SYNDIG1: variants seen among roughly 807,000 people sequenced by gnomAD.
SYNDIG1 encodes the protein synapse differentiation inducing 1.
SYNDIG1 carries 9 observed loss-of-function variants against 19.4 expected under a neutral mutation model. The ratio of observed to expected loss-of-function variants is 0.46; its 90% confidence interval spans 0.28 to 0.81. The LOEUF is 0.81. SYNDIG1 is among the 30% of genes least tolerant of loss of function. SYNDIG1 has a pLI of 0.12. For missense variants in SYNDIG1, 311 were observed against 343.3 expected, an observed-to-expected ratio of 0.91 and a Z score of 0.74; for synonymous variants, 141 against 145.9, an observed-to-expected ratio of 0.97 and a Z score of 0.24.
intron 1 of SYNDIG1, among the ~76,000 whole-genome samples, chr20:24,509,097 T>G (rs2056677484): frequency 6.6e-6 from 1 of 152,236 alleles, no homozygotes; most frequent in African/African-American, 2.4e-5. Flanking sequence ...CCTGTAATTT[T>G]AGCAGAAACC....
intron 1 of SYNDIG1, among the ~76,000 whole-genome samples, chr20:24,519,355 T>C (rs1210898956): frequency 1.3e-5 from 2 of 152,262 alleles, no homozygotes; most frequent in African/African-American, 2.4e-5. Context: ...ACTTTTTGTT[T>C]TTATGCTTTT....
intron 3 of SYNDIG1, among the ~76,000 whole-genome samples, chr20:24,653,355 T>G (rs1455640693): frequency 6.6e-6 from 1 of 151,750 alleles, no homozygotes; most frequent in Non-Finnish European, 1.5e-5. Context: ...GCTCCAGGTG[T>G]GAGGCAAGAC....
At chr20:24,482,922 T>C (rs2055838555) in intron 1 of SYNDIG1, among the ~76,000 whole-genome samples, 2 of 152,264 alleles carry the variant, frequency 1.3e-5, no homozygotes, top group South Asian at 2.1e-4. Flanking sequence ...GTTAATGGTA[T>C]GTAGCCATGA....
intron 1 of SYNDIG1, among the ~76,000 whole-genome samples, chr20:24,514,228 A>G (rs577786552): frequency 2.0e-5 from 3 of 152,362 alleles, no homozygotes; most frequent in African/African-American, 7.2e-5. Context: ...AACGAGCAAA[A>G]TAACCAGCTA....
intron 3 of SYNDIG1, among the ~76,000 whole-genome samples, chr20:24,650,720 A>G (rs966692916): frequency 6.6e-6 from 1 of 152,222 alleles, no homozygotes; most frequent in African/African-American, 2.4e-5. Context: ...GGACTGTTTG[A>G]TCGTGTGAAA....
Position 24,662,954 on chromosome 20 carries a change from G to A in SYNDIG1, c.619-2392G>A, listed in dbSNP as rs990654025. On this transcript the variant is annotated intron_variant, in intron 3 of 3. Coordinates refer to ENST00000376862, the MANE Select transcript of SYNDIG1 (RefSeq NM_024893.3). ...TCTTGTCAAAGAGCCAGGAGCTTTC[G>A]TCCAGCAGCTGTCAGGATGGAAACG... Among the ~76,000 whole-genome samples the A allele has an allele frequency of 3.9e-5, 6 of 152,326 alleles. No individual in the cohort carries two copies. The East Asian group carries it at 7.7e-4, about 20-fold the overall frequency.
At chr20:24,505,843 A>G (rs1815810110) in intron 1 of SYNDIG1, among the ~76,000 whole-genome samples, 1 of 152,222 alleles carries the variant, frequency 6.6e-6, no homozygotes, top group Admixed American at 6.5e-5. Context: ...GACAATAGAG[A>G]CATGCCATTA....
chr20:24,642,480 C>A (rs1425207245), intron 3 of SYNDIG1, among the ~76,000 whole-genome samples: 3 of 152,150 alleles, frequency 2.0e-5, no homozygotes, highest in African/African-American at 7.2e-5. Flanking sequence ...TACTTTATCA[C>A]CTTAAGGGCA....
At chr20:24,620,023 C>T (rs2059014841) in intron 3 of SYNDIG1, among the ~76,000 whole-genome samples, 1 of 152,172 alleles carries the variant, frequency 6.6e-6, no homozygotes, top group Non-Finnish European at 1.5e-5. Flanking sequence ...GAGAGCTTCC[C>T]TAAGACCCTA....
At chr20:24,573,689 C>T (rs1356004969) in intron 2 of SYNDIG1, among the ~76,000 whole-genome samples, 3 of 152,200 alleles carry the variant, frequency 2.0e-5, no homozygotes, top group Admixed American at 2.0e-4. Context: ...TTCATTGCAC[C>T]CATCTGTTTG....
At chr20:24,608,496 G>A (rs2058797187) in intron 3 of SYNDIG1, among the ~76,000 whole-genome samples, 1 of 152,076 alleles carries the variant, frequency 6.6e-6, no homozygotes, top group Non-Finnish European at 1.5e-5. Context: ...TCTTAACAGT[G>A]ACAATCCATC....
intron 3 of SYNDIG1, among the ~76,000 whole-genome samples, chr20:24,664,232 T>A (rs1431515708): frequency 1.3e-5 from 2 of 152,158 alleles, no homozygotes; most frequent in Non-Finnish European, 2.9e-5. Flanking sequence ...TCATGAGCCA[T>A]CTCTGAGTGT....
chr20:24,609,835 A>G (rs1225722070), intron 3 of SYNDIG1, among the ~76,000 whole-genome samples: 1 of 152,078 alleles, frequency 6.6e-6, no homozygotes, highest in Non-Finnish European at 1.5e-5. Flanking sequence ...TCACCCCTCA[A>G]GAGCCCACTC....
chr20:24,647,238 G>A (rs561653630), intron 3 of SYNDIG1, among the ~76,000 whole-genome samples: 5 of 152,234 alleles, frequency 3.3e-5, no homozygotes, highest in Admixed American at 2.6e-4. Context: ...CCAGGGAACC[G>A]AGGGAACTAA....
chr20:24,645,620 CACTG>C (rs2059415789), intron 3 of SYNDIG1, among the ~76,000 whole-genome samples: 1 of 152,220 alleles, frequency 6.6e-6, no homozygotes. Flanking sequence ...TGGGCGAATC[CACTG>C]TCTGGACCAG....
intron 2 of SYNDIG1, among the ~76,000 whole-genome samples, chr20:24,573,088 G>T (rs952310771): frequency 5.3e-5 from 8 of 152,150 alleles, no homozygotes; most frequent in Admixed American, 5.2e-4. Flanking sequence ...CCTGGCGGTG[G>T]TTCTGTTCTG....
chr20:24,661,758 C>T (rs2059606541), intron 3 of SYNDIG1, among the ~76,000 whole-genome samples: 1 of 152,026 alleles, frequency 6.6e-6, no homozygotes, highest in Admixed American at 6.5e-5. Context: ...ACTCCCCCAA[C>T]TAGAGCAAGA....
chr20:24,557,321 C>T lies in SYNDIG1; in HGVS notation c.480+13744C>T, dbSNP rs925909564. 3.9e-5 allele frequency among the ~76,000 whole-genome samples: 6 copies of T among 152,234 alleles called. No homozygotes were observed. The East Asian group carries it at 9.6e-4, about 24-fold the overall frequency. On this transcript the variant is annotated intron_variant, in intron 2 of 3. Transcript: ENST00000376862. ...CTCTCGACTCGTCAAAGTCATTCTC[C>T]GTCCAGCTTTGTTCCGTTGCTGGTG...
intron 1 of SYNDIG1, among the ~76,000 whole-genome samples, chr20:24,470,365 G>A (rs2055391037): frequency 6.6e-6 from 1 of 152,206 alleles, no homozygotes; most frequent in Admixed American, 6.5e-5. Flanking sequence ...ACGGGCGACC[G>A]TGGCGGAAGC....
Sources: gnomAD v4.1 joint callset for allele counts (sites outside exome capture counted in the v4.1 genomes callset) on GRCh38, gnomAD v4.1.1 for gene constraint, MANE v1.5 for transcripts, NCBI Gene and HGNC (gene_info 2026-07-23, HGNC 2026-07-21) for gene names.